Variants in RABGAP1L observed in about 807,000 individuals in gnomAD.
RABGAP1L encodes the protein RAB GTPase activating protein 1 like, also known as rab GTPase-activating protein 1-like.
RABGAP1L carries 63 observed loss-of-function variants against 137.7 expected under a neutral mutation model. The ratio of observed to expected loss-of-function variants is 0.46; its 90% CI spans 0.37 to 0.56. The LOEUF (loss-of-function observed/expected upper bound fraction) is 0.56, where lower values mean the gene tolerates loss of function less well. Among genes scored for constraint, RABGAP1L ranks in the 20% least tolerant of loss-of-function variants. RABGAP1L has a pLI of 0.00. For missense variants in RABGAP1L, 1,095 were observed against 1,244.0 expected (o/e 0.88, Z 1.80); for synonymous variants, 431 against 433.7 (o/e 0.99, Z 0.08).
intron 13 of RABGAP1L, among the ~76,000 whole-genome samples, chr1:174,610,597 A>G (rs904127048): frequency 3.3e-5 from 5 of 152,102 alleles, no homozygotes; most frequent in African/African-American, 7.2e-5. Flanking sequence ...GTCAAATGGT[A>G]TTTCTAGTTC....
chr1:174,905,254 C>A, intron 19 of RABGAP1L, among the ~76,000 whole-genome samples: 1 of 152,266 alleles, frequency 6.6e-6, no homozygotes, highest in African/African-American at 2.4e-5. Context: ...AAAACCATGA[C>A]CTTTCCAAAG....
intron 13 of RABGAP1L, among the ~76,000 whole-genome samples, chr1:174,598,257 G>A (rs1364117029): frequency 3.3e-5 from 5 of 151,258 alleles, no homozygotes; most frequent in Non-Finnish European, 5.9e-5. Flanking sequence ...GAACCCGGGA[G>A]GCGGAGGTTG....
chr1:174,755,971 A>G (rs1176036421), intron 18 of RABGAP1L, among the ~76,000 whole-genome samples: 1 of 152,166 alleles, frequency 6.6e-6, no homozygotes, highest in Non-Finnish European at 1.5e-5. Flanking sequence ...GTCTTAGGTA[A>G]ATTACAATTT....
At chr1:174,987,732 C>T (rs1671715561) in intron 24 of RABGAP1L, among the ~76,000 whole-genome samples, 2 of 152,184 alleles carry the variant, frequency 1.3e-5, no homozygotes, top group African/African-American at 4.8e-5. Context: ...AACAACAGTA[C>T]TATTGTCTGG....
At chr1:174,813,014 C>T (rs1478991800) in intron 19 of RABGAP1L, among the ~76,000 whole-genome samples, 1 of 152,126 alleles carries the variant, frequency 6.6e-6, no homozygotes, top group African/African-American at 2.4e-5. Flanking sequence ...CACAAAGAGC[C>T]AGAAAATGTA....
At position 174,519,711 on chromosome 1, in the gene RABGAP1L, A is replaced by G. The variant is rs532418668; in HGVS notation, c.1711-117664A>G. On this transcript the variant is annotated intron_variant, in intron 13 of 25. Transcript: ENST00000681986. ...TAAATGCTATTAGAATAAAGAATAC[A>G]TGGTACATCTATTGAGTCTCTTGCT... Among the ~76,000 whole-genome samples, 19 of 152,352 alleles carry G rather than the reference A, an allele frequency of 1.2e-4. No individual in the cohort carries two copies. In the South Asian group the frequency reaches 1.9e-3, roughly 15 times the overall value.
chr1:174,865,863 A>C (rs1052616941), intron 19 of RABGAP1L, among the ~76,000 whole-genome samples: 1 of 152,210 alleles, frequency 6.6e-6, no homozygotes. Flanking sequence ...GCTTATTTAT[A>C]AACTGCAATC....
At chr1:174,477,635 C>T (rs1658639156) in intron 13 of RABGAP1L, among the ~76,000 whole-genome samples, 1 of 152,114 alleles carries the variant, frequency 6.6e-6, no homozygotes, top group Non-Finnish European at 1.5e-5. Context: ...ACAGCATTGT[C>T]ATAAGCTGTG....
chr1:174,587,485 G>A (rs1195045962), intron 13 of RABGAP1L, among the ~76,000 whole-genome samples: 1 of 150,914 alleles, frequency 6.6e-6, no homozygotes, highest in Non-Finnish European at 1.5e-5. Flanking sequence ...AAATATAAAA[G>A]TACAATATGA....
chr1:174,416,021 T>TAC (rs764574979), intron 13 of RABGAP1L, among the ~76,000 whole-genome samples: 2 of 90,018 alleles, frequency 2.2e-5, no homozygotes, highest in African/African-American at 1.4e-4. Context: ...AAAATTTACA[T>TAC]ATATATATAT....
intron 18 of RABGAP1L, among the ~76,000 whole-genome samples, chr1:174,803,089 C>CA (rs1417491377): frequency 1.3e-5 from 2 of 151,400 alleles, no homozygotes; most frequent in Admixed American, 6.6e-5. Context: ...AGTCATTTTT[C>CA]AAAAAAATCA....
chr1:174,543,325 A>G (rs1665659307), intron 13 of RABGAP1L, among the ~76,000 whole-genome samples: 2 of 149,946 alleles, frequency 1.3e-5, no homozygotes, highest in African/African-American at 5.0e-5. Flanking sequence ...TTCTTGTTGA[A>G]TTGATCCCTT....
intron 14 of RABGAP1L, among the ~76,000 whole-genome samples, chr1:174,682,235 C>T (rs1038808542): frequency 2.0e-5 from 3 of 150,488 alleles, no homozygotes; most frequent in East Asian, 2.0e-4. Context: ...GAGCTGAGAT[C>T]GTGCCATTGC....
At chr1:174,551,021 T>TATATATATATATATATACAC (rs1553330343) in intron 13 of RABGAP1L, among the ~76,000 whole-genome samples, 2 of 122,814 alleles carry the variant, frequency 1.6e-5, no homozygotes, top group African/African-American at 3.8e-5. Context: ...TATATATATA[T>TATATATATATATATATACAC]ACATACACAC....
At chr1:174,565,460 C>G (rs982122300) in intron 13 of RABGAP1L, among the ~76,000 whole-genome samples, 1 of 152,076 alleles carries the variant, frequency 6.6e-6, no homozygotes, top group Non-Finnish European at 1.5e-5. Flanking sequence ...CTAATTGCCC[C>G]ACTTGTTTTT....
Position 174,471,100 on chromosome 1 carries a change from A to G in RABGAP1L, c.1710+76955A>G, listed in dbSNP as rs142799056. ...GTTTCAATACAAGGGCAGTTCAGCT[A>G]CTTTGCATGGACTTCTTTGGGAAGG... On this transcript the variant is annotated intron_variant, in intron 13 of 25. Transcript: ENST00000681986. Among the ~76,000 whole-genome samples, 429 of 152,140 alleles carry G rather than the reference A, an allele frequency of 2.8e-3. 5 individuals carry two copies. The highest frequency in any genetic ancestry group is 9.9e-3 in the African/African-American group (411 of 41,524).
At chr1:174,812,050 G>A (rs1180315818) in intron 19 of RABGAP1L, 90 bp downstream of exon 19, 1 of 1,210,028 alleles carries the variant, frequency 8.3e-7, no homozygotes, top group East Asian at 2.8e-5. Context: ...TATGTTGCAA[G>A]GTTTGATTAT....
At chr1:174,915,613 C>T (rs970421172) in intron 19 of RABGAP1L, among the ~76,000 whole-genome samples, 2 of 152,164 alleles carry the variant, frequency 1.3e-5, no homozygotes, top group Non-Finnish European at 1.5e-5. Flanking sequence ...CACGCCACCA[C>T]GTCCAGCTAA....
At chr1:174,161,759 C>G (rs1412545280) in intron 1 of RABGAP1L, among the ~76,000 whole-genome samples, 1 of 149,834 alleles carries the variant, frequency 6.7e-6, no homozygotes, top group Admixed American at 6.6e-5. Flanking sequence ...GACAAGGTCT[C>G]GCTCTGGCGC....
Sources: gnomAD v4.1 joint callset for allele counts (sites outside exome capture counted in the v4.1 genomes callset) on GRCh38, gnomAD v4.1.1 for gene constraint, MANE v1.5 for transcripts, NCBI Gene and HGNC (gene_info 2026-07-23, HGNC 2026-07-21) for gene names.